The following CAMTA1 variants were observed in gnomAD, a reference collection of about 807,000 sequenced individuals.
The protein encoded by CAMTA1 is calmodulin-binding transcription activator 1.
Under a neutral mutation model 170.9 loss-of-function variants are expected in CAMTA1, and 27 were observed. The observed-to-expected ratio is 0.16, with a 90% CI of 0.12 to 0.22. CAMTA1 has a LOEUF of 0.22. Among genes scored for constraint, CAMTA1 ranks in the 10% least tolerant of loss-of-function variants. The pLI is 1.00. For synonymous variants in CAMTA1, 833 were observed against 891.5 expected, an observed-to-expected ratio of 0.93 and a Z score of 1.17; for missense variants, 1,619 against 2,217.2, an observed-to-expected ratio of 0.73 and a Z score of 5.42.
chr1:6,833,580 C>T (rs545492388), intron 3 of CAMTA1, among the ~76,000 whole-genome samples: 1 of 152,264 alleles, frequency 6.6e-6, no homozygotes, highest in African/African-American at 2.4e-5. Context: ...ATCTTGTGTC[C>T]TGCAATTATT....
intron 5 of CAMTA1, among the ~76,000 whole-genome samples, chr1:7,389,056 G>T (rs72853148): frequency 0.017 from 2,623 of 152,318 alleles, 76 homozygotes; most frequent in African/African-American, 0.06. Context: ...GGAGGGGGAG[G>T]AGGAAGGGAG....
At position 7,702,042 on chromosome 1, in the gene CAMTA1, G is replaced by A. The variant is rs1028649443; in HGVS notation, c.2914+24309G>A. Reference sequence around the variant, plus strand: ...CTTTCCAAGAAAGGGACCCAAGGAAGCCTCCTGCTCCTGTGGTGCAGTGAG... The same window carrying A: ...CTTTCCAAGAAAGGGACCCAAGGAAACCTCCTGCTCCTGTGGTGCAGTGAG... On this transcript the variant is annotated intron_variant, in intron 11 of 22. Coordinates refer to ENST00000303635, the MANE Select transcript of CAMTA1 (RefSeq NM_015215.4). Among the ~76,000 whole-genome samples, 13 of 152,210 alleles carry A rather than the reference G, an allele frequency of 8.5e-5. No homozygotes were observed. The East Asian group carries it at 2.3e-3, about 27-fold the overall frequency.
chr1:6,834,553 G>C lies in CAMTA1; in HGVS notation c.234+9343G>C, dbSNP rs1203042590. On this transcript the variant is annotated intron_variant, in intron 3 of 22. Coordinates refer to ENST00000303635, the MANE Select transcript of CAMTA1 (RefSeq NM_015215.4). ...ACTTCTGAAGGTGGTAGGCCTTCACGCCACAGCGGTGGCACAATGTGTGTG... is the reference window on the plus strand; with the variant it reads ...ACTTCTGAAGGTGGTAGGCCTTCACCCCACAGCGGTGGCACAATGTGTGTG... 2.6e-5 allele frequency: 6 copies of C among 229,344 alleles called. No homozygotes were observed. The East Asian group carries it at 6.8e-4, about 26-fold the overall frequency. 14.2% of individuals were successfully genotyped at this position (229,344 alleles called of 1,614,324 possible). A position where few individuals can be genotyped will look rare whatever the true frequency, so the allele number is the denominator to read the frequency against.
intron 5 of CAMTA1, among the ~76,000 whole-genome samples, chr1:7,264,657 C>T (rs1017406119): frequency 2.0e-5 from 3 of 152,146 alleles, no homozygotes; most frequent in Admixed American, 6.5e-5. Flanking sequence ...GTTTATGTTA[C>T]TTCTAGAAAA....
chr1:7,008,275 A>G (rs1304172264), intron 3 of CAMTA1: 2 of 152,466 alleles, frequency 1.3e-5, no homozygotes, highest in Admixed American at 6.5e-5. Flanking sequence ...AAGCAGAGAA[A>G]TAGGAGCTGG....
At chr1:6,801,437 C>T (rs974916887) in intron 1 of CAMTA1, among the ~76,000 whole-genome samples, 19 of 152,134 alleles carry the variant, frequency 1.2e-4, no homozygotes, top group African/African-American at 3.9e-4. Context: ...CTCTTTGCTA[C>T]CTTCGTCACT....
At chr1:7,108,283 C>T (rs990482459) in intron 4 of CAMTA1, among the ~76,000 whole-genome samples, 2 of 152,108 alleles carry the variant, frequency 1.3e-5, no homozygotes, top group Non-Finnish European at 2.9e-5. Context: ...CCTCAGTTTT[C>T]GCATCTGTAT....
At chr1:6,847,840 A>AT (rs1658855323) in intron 3 of CAMTA1, among the ~76,000 whole-genome samples, 2 of 150,136 alleles carry the variant, frequency 1.3e-5, no homozygotes, top group Non-Finnish European at 3.0e-5. Flanking sequence ...AGTAGCTGGG[A>AT]TTACAGGCAC....
At chr1:7,263,435 CAATT>C (rs755669351) in intron 5 of CAMTA1, among the ~76,000 whole-genome samples, 13 of 152,178 alleles carry the variant, frequency 8.5e-5, no homozygotes, top group Non-Finnish European at 1.8e-4. Flanking sequence ...TTTTTACACT[CAATT>C]AGTTTGTACA....
chr1:7,699,246 C>G (rs936514408), intron 11 of CAMTA1, among the ~76,000 whole-genome samples: 13 of 152,138 alleles, frequency 8.5e-5, no homozygotes, highest in African/African-American at 2.9e-4. Flanking sequence ...CAAGAAACAT[C>G]CTGCTGCCCA....
intron 21 of CAMTA1, among the ~76,000 whole-genome samples, chr1:7,754,097 A>G (rs1027290162): frequency 2.7e-4 from 41 of 152,204 alleles, no homozygotes; most frequent in African/African-American, 9.7e-4. Flanking sequence ...ATTCTCCAAT[A>G]CGTTCATAGT....
chr1:6,882,628 A>C (rs1223464725), intron 3 of CAMTA1, among the ~76,000 whole-genome samples: 3 of 152,082 alleles, frequency 2.0e-5, no homozygotes, highest in African/African-American at 7.2e-5. Context: ...GCACCTGTTG[A>C]CTGTAAGATC....
At chr1:7,316,244 G>A (rs1344435417) in intron 5 of CAMTA1, among the ~76,000 whole-genome samples, 1 of 152,200 alleles carries the variant, frequency 6.6e-6, no homozygotes, top group East Asian at 1.9e-4. Context: ...GCCAAACCAT[G>A]TCATCCTCCC....
intron 3 of CAMTA1, among the ~76,000 whole-genome samples, chr1:6,924,806 G>A (rs1454252126): frequency 6.6e-6 from 1 of 152,242 alleles, no homozygotes; most frequent in Non-Finnish European, 1.5e-5. Context: ...GGGGAATCTA[G>A]CACTTCGGAA....
At chr1:7,522,132 G>C (rs1010934075) in intron 6 of CAMTA1, among the ~76,000 whole-genome samples, 1 of 152,152 alleles carries the variant, frequency 6.6e-6, no homozygotes, top group Admixed American at 6.5e-5. Context: ...TGACGGATCC[G>C]GTTTTTTCAC....
At chr1:7,427,794 A>G (rs1016655989) in intron 5 of CAMTA1, among the ~76,000 whole-genome samples, 12 of 152,052 alleles carry the variant, frequency 7.9e-5, no homozygotes, top group Middle Eastern at 3.2e-3. Context: ...CCTCTGGGGG[A>G]GAGTGGGTTA....
intron 5 of CAMTA1, among the ~76,000 whole-genome samples, chr1:7,432,224 A>G (rs1186978414): frequency 6.6e-6 from 1 of 152,120 alleles, no homozygotes; most frequent in Non-Finnish European, 1.5e-5. Context: ...TTTAAGCCTC[A>G]CCCAGCCTTG....
At chr1:6,906,871 A>T (rs376347963) in intron 3 of CAMTA1, among the ~76,000 whole-genome samples, 1 of 152,164 alleles carries the variant, frequency 6.6e-6, no homozygotes, top group Non-Finnish European at 1.5e-5. Flanking sequence ...CAAAATATGT[A>T]TTTTAGCTAA....
rs1286270196 is a variant in CAMTA1 at position 7,173,365 on chromosome 1, T to C, written c.303-76126T>C. ...GAACGCTGGCTCCCTTCTTAAATTT[T>C]TGTGGAACTGTGGGAACACACAGTT... On this transcript the variant is annotated intron_variant, in intron 4 of 22. Coordinates refer to ENST00000303635, the MANE Select transcript of CAMTA1 (RefSeq NM_015215.4). This position sits in a 1 kb window ranked among gnomAD's most constrained non-coding sequence, Gnocchi z 5.4. Among the ~76,000 whole-genome samples, 1 of 152,114 alleles carries C rather than the reference T, an allele frequency of 6.6e-6. No individual in the cohort carries two copies. Among genetic ancestry groups the C allele is most frequent in the Admixed American group, 6.5e-5 (1 of 15,282 alleles).
Sources: gnomAD v4.1 joint callset for allele counts (sites outside exome capture counted in the v4.1 genomes callset) on GRCh38, gnomAD v4.1.1 for gene constraint, Gnocchi (gnomAD v3.1) non-coding constraint, MANE v1.5 for transcripts, NCBI Gene and HGNC (gene_info 2026-07-23, HGNC 2026-07-21) for gene names.